INTS9: variants seen among roughly 807,000 people sequenced by gnomAD.
INTS9 encodes the protein protein related to CPSF subunits of 74 kDa.
In INTS9, 55 loss-of-function variants were observed where a neutral mutation model predicts 79.7. The observed-to-expected ratio is 0.69, with a 90% CI of 0.56 to 0.86. The LOEUF (loss-of-function observed/expected upper bound fraction) is 0.86, where lower values mean the gene tolerates loss of function less well. Among genes scored for constraint, INTS9 ranks in the 40% least tolerant of loss-of-function variants. INTS9 has a pLI of 0.00. For synonymous variants in INTS9, 319 were observed against 325.2 expected (o/e 0.98, Z 0.20); for missense variants, 721 against 831.5 (o/e 0.87, Z 1.64).
chr8:28,819,459 G>T (rs1353522863), intron 6 of INTS9, among the ~76,000 whole-genome samples: 1 of 152,108 alleles, frequency 6.6e-6, no homozygotes, highest in Admixed American at 6.6e-5. Context: ...GTAGTTGAGC[G>T]GTTTTGAGTG....
intron 1 of INTS9, among the ~76,000 whole-genome samples, chr8:28,884,144 A>C (rs1585541253): frequency 8.5e-6 from 1 of 117,914 alleles, no homozygotes. Context: ...AACTACTACT[A>C]CCAAAAGTCT....
intron 11 of INTS9, 117 bp from the exon 12 acceptor site, chr8:28,781,111 C>T (rs576333826): frequency 5.1e-5 from 39 of 758,990 alleles, no homozygotes; most frequent in East Asian, 4.6e-4. Context: ...AGACAAGCCA[C>T]GGATTGGGAG....
intron 8 of INTS9, among the ~76,000 whole-genome samples, chr8:28,805,776 G>A (rs1198197302): frequency 1.3e-5 from 2 of 152,102 alleles, no homozygotes; most frequent in Non-Finnish European, 2.9e-5. Flanking sequence ...AAAATAAAAT[G>A]TGCATTTTCA....
intron 3 of INTS9, among the ~76,000 whole-genome samples, chr8:28,848,134 T>C (rs1807634842): frequency 6.6e-6 from 1 of 152,210 alleles, no homozygotes; most frequent in Non-Finnish European, 1.5e-5. Context: ...CCACAGTGAA[T>C]TTTTTGCACC....
chr8:28,880,398 G>C (rs1421259119), intron 1 of INTS9, among the ~76,000 whole-genome samples: 1 of 152,036 alleles, frequency 6.6e-6, no homozygotes, highest in Non-Finnish European at 1.5e-5. Context: ...GCCTGCGATT[G>C]CAGGCGCGTG....
At chr8:28,784,869 C>A (rs1803489638) in intron 11 of INTS9, among the ~76,000 whole-genome samples, 1 of 152,202 alleles carries the variant, frequency 6.6e-6, no homozygotes, top group Admixed American at 6.5e-5. Context: ...GTTATCAATG[C>A]TCCTAATAGC....
intron 1 of INTS9, among the ~76,000 whole-genome samples, chr8:28,864,237 T>C (rs1808611843): frequency 6.6e-6 from 1 of 152,162 alleles, no homozygotes. Flanking sequence ...AGAAGACAAT[T>C]GGAGTAGTAT....
At chr8:28,844,451 G>C (rs530137908) in intron 4 of INTS9, among the ~76,000 whole-genome samples, 6 of 152,016 alleles carry the variant, frequency 3.9e-5, no homozygotes, top group Non-Finnish European at 8.8e-5. Context: ...GAGGTGGGAG[G>C]ATGGCTTGAG....
chr8:28,771,009 G>A lies in INTS9; in HGVS notation c.1635C>T (p.His545=), dbSNP rs776789075. ...ISLATVSAVL[H]TKDNKHLLQP... ...GAAGCAAGTGCTTGTTATCTTTGGT[G>A]TGCAGCACGGCCGAGACAGTTGCCA... is the stretch of plus-strand genomic sequence containing the variant. Residue 545 remains histidine, a synonymous_variant, in exon 15 of 17, where the codon CAC becomes CAT. Coordinates refer to ENST00000521022, the MANE Select transcript of INTS9 (RefSeq NM_018250.4). The A allele has an allele frequency of 2.4e-5, 38 of 1,613,432 alleles. 1 individual carries two copies. The highest frequency in any genetic ancestry group is 3.1e-5 in the Non-Finnish European group (36 of 1,179,886).
In INTS9 at chr8:28,813,579, T is replaced by G. The variant is rs745998762; in HGVS notation, c.522A>C (p.Glu174Asp). ...TATAGCATCTTCTCCAGGTTGAGACTTCCACTGCATCCTTGAGAGGAGAAG... is the reference window on the plus strand; with the variant it reads ...TATAGCATCTTCTCCAGGTTGAGACGTCCACTGCATCCTTGAGAGGAGAAG... ...LLPSPLKDAV[E>D]VSTWRRCYTM... is the part of the protein sequence containing the mutation. Residue 174 changes from glutamate (E) to aspartate (D), a missense_variant, in exon 7 of 17, where the codon GAA becomes GAC. By Grantham distance (45) the Glu-to-Asp change is conservative (BLOSUM62 2). Coordinates refer to ENST00000521022, the MANE Select transcript of INTS9 (RefSeq NM_018250.4). 6.2e-7 allele frequency: 1 copy of G among 1,613,714 alleles called. No homozygotes were observed. The highest frequency in any genetic ancestry group is 1.1e-5 in the South Asian group (1 of 91,042).
chr8:28,793,040 G>A (rs1325070075), intron 10 of INTS9, among the ~76,000 whole-genome samples: 1 of 152,118 alleles, frequency 6.6e-6, no homozygotes, highest in African/African-American at 2.4e-5. Context: ...CAAAAGCAAG[G>A]GTTGGGGGCA....
intron 6 of INTS9, among the ~76,000 whole-genome samples, chr8:28,815,365 A>C (rs1012293121): frequency 5.9e-5 from 9 of 152,224 alleles, no homozygotes; most frequent in African/African-American, 2.2e-4. Flanking sequence ...AAAGCTTATA[A>C]ATGAGGTGAC....
At chr8:28,821,609 GC>G (rs573831348) in intron 6 of INTS9, among the ~76,000 whole-genome samples, 1 of 152,180 alleles carries the variant, frequency 6.6e-6, no homozygotes, top group Non-Finnish European at 1.5e-5. Context: ...TTGAAACCAT[GC>G]AGTATTTCAG....
At chr8:28,789,406 A>G (rs1419365467) in intron 10 of INTS9, among the ~76,000 whole-genome samples, 2 of 152,220 alleles carry the variant, frequency 1.3e-5, no homozygotes, top group Non-Finnish European at 2.9e-5. Flanking sequence ...CAGAGGCTGA[A>G]GGACCTGATT....
At chr8:28,864,853 G>T (rs553456573) in intron 1 of INTS9, among the ~76,000 whole-genome samples, 3 of 152,112 alleles carry the variant, frequency 2.0e-5, no homozygotes, top group African/African-American at 7.2e-5. Context: ...CAGCATGGTG[G>T]TGCACACCTG....
intron 8 of INTS9, among the ~76,000 whole-genome samples, chr8:28,797,563 G>C (rs35662659): frequency 1.3e-5 from 2 of 152,036 alleles, no homozygotes; most frequent in Non-Finnish European, 2.9e-5. Context: ...TTAGGATGCT[G>C]TGTTTTTATT....
intron 11 of INTS9, among the ~76,000 whole-genome samples, chr8:28,784,153 GA>G (rs1310817453): frequency 4.6e-5 from 7 of 152,206 alleles, no homozygotes; most frequent in Admixed American, 2.6e-4. Context: ...ACCAAGGGTT[GA>G]CTCCCTCATG....
chr8:28,835,933 C>G (rs1048462917), intron 5 of INTS9, among the ~76,000 whole-genome samples: 5 of 151,892 alleles, frequency 3.3e-5, no homozygotes, highest in African/African-American at 4.8e-5. Flanking sequence ...CTCAGCCACT[C>G]GAGTAGCTGG....
chr8:28,793,727 C>T, intron 10 of INTS9, 80 bp downstream of exon 10: 1 of 1,231,502 alleles, frequency 8.1e-7, no homozygotes, highest in Non-Finnish European at 1.1e-6. Flanking sequence ...TGAGAAAAAA[C>T]AGGATTATTT....
Sources: gnomAD v4.1 joint callset for allele counts (sites outside exome capture counted in the v4.1 genomes callset) on GRCh38, gnomAD v4.1.1 for gene constraint, MANE v1.5 for transcripts, NCBI Gene and HGNC (gene_info 2026-07-23, HGNC 2026-07-21) for gene names.